LNPK: variants seen among roughly 807,000 people sequenced by gnomAD.
LNPK encodes the protein endoplasmic reticulum junction formation protein lunapark.
In LNPK, 29 loss-of-function variants were observed where a neutral mutation model predicts 55.2. The observed-to-expected ratio is 0.53, with a 90% CI of 0.39 to 0.72. The LOEUF (loss-of-function observed/expected upper bound fraction) is 0.72. Ranked by LOEUF, LNPK falls within the 30% of genes least tolerant of loss-of-function variation. LNPK has a pLI of 0.00. For synonymous variants in LNPK, 162 were observed against 168.2 expected (o/e 0.96, Z 0.29); for missense variants, 467 against 494.8 (o/e 0.94, Z 0.53).
chr2:176,002,414 G>C, upstream of LNPK: 1 of 339,462 alleles, frequency 2.9e-6, no homozygotes, highest in South Asian at 2.2e-5. Context: ...TTAGGATCTT[G>C]TGTTTGTGGC....
chr2:175,970,292 ACT>A (rs938882258), intron 6 of LNPK, among the ~76,000 whole-genome samples: 6 of 152,072 alleles, frequency 3.9e-5, no homozygotes, highest in African/African-American at 1.4e-4. Context: ...AAAGTGGAAA[ACT>A]CTGAAGAAAA....
intron 6 of LNPK, among the ~76,000 whole-genome samples, chr2:175,965,331 C>T (rs1686271211): frequency 6.6e-6 from 1 of 152,142 alleles, no homozygotes; most frequent in African/African-American, 2.4e-5. Context: ...ATGGGTTTAA[C>T]TTAAAATATA....
chr2:175,982,375 C>T (rs1687215890), intron 4 of LNPK, among the ~76,000 whole-genome samples: 1 of 152,108 alleles, frequency 6.6e-6, no homozygotes, highest in Non-Finnish European at 1.5e-5. Flanking sequence ...AATATACTCT[C>T]TTCAAAATAA....
Position 175,993,232 on chromosome 2 carries a change from C to T in LNPK, c.28-9G>A. On this transcript the variant is annotated splice_polypyrimidine_tract_variant and intron_variant, in intron 2 of 12. Coordinates refer to ENST00000272748, the MANE Select transcript of LNPK (RefSeq NM_030650.3). ...ACAGTTGAAGGTTTTGTCTGTTATA[C>T]AAACAGAAACAAGAGACAGCATTAA... is the stretch of plus-strand genomic sequence containing the variant. 6.6e-7 allele frequency: 1 copy of T among 1,517,780 alleles called. No homozygotes were observed. The allele number at this position is 1,517,780 out of a possible 1,614,324, so 94.0% of individuals were successfully genotyped here. A position where few individuals can be genotyped will look rare whatever the true frequency, so the allele number is the denominator to read the frequency against.
intron 4 of LNPK, among the ~76,000 whole-genome samples, chr2:175,983,843 T>C (rs147429328): frequency 5.4e-4 from 81 of 151,336 alleles, no homozygotes; most frequent in Middle Eastern, 3.4e-3. Flanking sequence ...AAACGTTGAC[T>C]GAGCACATCC....
chr2:175,948,051 T>C (rs1685230984), intron 8 of LNPK, among the ~76,000 whole-genome samples: 1 of 152,216 alleles, frequency 6.6e-6, no homozygotes, highest in Admixed American at 6.5e-5. Context: ...AACTCCAAAT[T>C]GCAGATTTGT....
chr2:175,979,821 G>C lies in LNPK; in HGVS notation c.305C>G (p.Thr102Arg). ...TVIIFFFSKRTERNNEALDDL... is the reference protein window; with the variant it reads ...TVIIFFFSKRRERNNEALDDL... ...GGAATTAAACTTACTATTTCTTTCT[G>C]TTCTCTTGGAAAAGAAGAAAATAAT... The change falls in exon 5 of 13, where the codon ACA becomes AGA. Residue 102 changes from threonine (T) to arginine (R), a missense_variant. Thr to Arg is a moderately conservative substitution (Grantham distance 71, BLOSUM62 -1). Coordinates refer to ENST00000272748, the MANE Select transcript of LNPK (RefSeq NM_030650.3). 5 of 1,574,796 alleles carry C rather than the reference G, an allele frequency of 3.2e-6. No individual in the cohort carries two copies. The highest frequency in any genetic ancestry group is 4.3e-6 in the Non-Finnish European group (5 of 1,161,722).
intron 5 of LNPK, among the ~76,000 whole-genome samples, chr2:175,972,940 AG>A (rs1686729448): frequency 6.6e-6 from 1 of 152,182 alleles, no homozygotes; most frequent in African/African-American, 2.4e-5. Context: ...ACTTGCCTTG[AG>A]GTCTGAAAAA....
At chr2:175,940,909 GC>G in intron 9 of LNPK, 1 of 446,860 alleles carries the variant, frequency 2.2e-6, no homozygotes, top group Non-Finnish European at 4.5e-6. Context: ...TTTAGACACT[GC>G]ACACAAAAAA....
At chr2:175,958,353 G>A (rs759638472) in intron 8 of LNPK, among the ~76,000 whole-genome samples, 21 of 152,172 alleles carry the variant, frequency 1.4e-4, no homozygotes, top group Admixed American at 4.6e-4. Flanking sequence ...CCTCTGGGAC[G>A]AAGCGTCCAC....
rs998908346 is a variant in LNPK, at chr2:175,925,193, C to T, written c.*4774G>A. Reference sequence around the variant, plus strand: ...CAAAGCTATACCTCTTCTGATACAACTATGTTCTCCATAACAATAGTGACT... The same window carrying T: ...CAAAGCTATACCTCTTCTGATACAATTATGTTCTCCATAACAATAGTGACT... On this transcript the variant is annotated 3_prime_UTR_variant, in exon 13 of 13. Coordinates refer to ENST00000272748, the MANE Select transcript of LNPK (RefSeq NM_030650.3). 6.6e-6 allele frequency: 1 copy of T among 152,164 alleles called. No individual in the cohort carries two copies. The highest frequency in any genetic ancestry group is 2.4e-5 in the African/African-American group (1 of 41,442). 9.4% of individuals were successfully genotyped at this position (152,164 alleles called of 1,614,324 possible).
At chr2:175,967,623 A>G in intron 6 of LNPK, 2 of 984,080 alleles carry the variant, frequency 2.0e-6, no homozygotes, top group South Asian at 4.7e-5. Flanking sequence ...ATGTTATACC[A>G]TATAAACTCA....
intron 12 of LNPK, among the ~76,000 whole-genome samples, chr2:175,930,793 C>T (rs149613075): frequency 1.1e-4 from 17 of 152,252 alleles, no homozygotes; most frequent in African/African-American, 3.9e-4. Flanking sequence ...CCTCATCCCT[C>T]TGCAAGACAA....
intron 8 of LNPK, among the ~76,000 whole-genome samples, chr2:175,953,341 A>G (rs989662728): frequency 1.4e-4 from 21 of 152,102 alleles, no homozygotes; most frequent in Admixed American, 3.9e-4. Flanking sequence ...TCTAATCTGT[A>G]TATCTATAAC....
chr2:175,982,021 T>C (rs1311672069), intron 4 of LNPK, among the ~76,000 whole-genome samples: 2 of 152,220 alleles, frequency 1.3e-5, no homozygotes, highest in Admixed American at 6.5e-5. Flanking sequence ...AGATTCCTAT[T>C]TGGCATTTGG....
At chr2:175,959,658 A>G (rs2105608423) in intron 8 of LNPK, among the ~76,000 whole-genome samples, 1 of 152,252 alleles carries the variant, frequency 6.6e-6, no homozygotes, top group Non-Finnish European at 1.5e-5. Flanking sequence ...GTCAACTAAC[A>G]AGCAAAATAA....
chr2:175,990,261 G>C (rs1377197534), intron 4 of LNPK, among the ~76,000 whole-genome samples: 4 of 152,162 alleles, frequency 2.6e-5, no homozygotes, highest in African/African-American at 9.7e-5. Flanking sequence ...GGCATGGCGA[G>C]AGTTTGCCCT....
At chr2:175,950,661 G>A (rs188188944) in intron 8 of LNPK, among the ~76,000 whole-genome samples, 1 of 152,162 alleles carries the variant, frequency 6.6e-6, no homozygotes, top group East Asian at 1.9e-4. Flanking sequence ...CATAATTTTA[G>A]CTCCACCCTG....
In LNPK at chr2:175,925,578, C is replaced by T. The variant is rs984225166; in HGVS notation, c.*4389G>A. ...GCAAAATTACACAGGGCTTTGCAGGCCTTATTAGTAAATTTGGACCTCATC... is the reference window on the plus strand; with the variant it reads ...GCAAAATTACACAGGGCTTTGCAGGTCTTATTAGTAAATTTGGACCTCATC... On this transcript the variant is annotated 3_prime_UTR_variant, in exon 13 of 13. Coordinates refer to ENST00000272748, the MANE Select transcript of LNPK (RefSeq NM_030650.3). 1 of 151,832 alleles carries T rather than the reference C, an allele frequency of 6.6e-6. No homozygotes were observed. The highest frequency in any genetic ancestry group is 2.4e-5 in the African/African-American group (1 of 41,302). 9.4% of individuals were successfully genotyped at this position (151,832 alleles called of 1,614,324 possible). A position where few individuals can be genotyped will look rare whatever the true frequency, so the allele number is the denominator to read the frequency against.
Sources: gnomAD v4.1 joint callset for allele counts (sites outside exome capture counted in the v4.1 genomes callset) on GRCh38, gnomAD v4.1.1 for gene constraint, MANE v1.5 for transcripts, NCBI Gene and HGNC (gene_info 2026-07-23, HGNC 2026-07-21) for gene names.